SUGCT: variants seen among roughly 807,000 people sequenced by gnomAD.
The protein encoded by SUGCT is succinyl-CoA:glutarate CoA-transferase.
In SUGCT, 41 loss-of-function variants were observed where a neutral mutation model predicts 55.0. The observed-to-expected ratio is 0.74, with a 90% CI of 0.58 to 0.97. The LOEUF (loss-of-function observed/expected upper bound fraction) is 0.97, where lower values mean the gene tolerates loss of function less well. SUGCT is among the 50% of genes least tolerant of loss of function. The pLI is 0.00. For missense variants in SUGCT, 568 were observed against 547.8 expected (o/e 1.04, Z -0.37); for synonymous variants, 187 against 200.4 (o/e 0.93, Z 0.56).
chr7:40,242,803 C>G (rs1021797750), intron 7 of SUGCT, among the ~76,000 whole-genome samples: 1 of 149,728 alleles, frequency 6.7e-6, no homozygotes. Flanking sequence ...TAGGAAAGAC[C>G]GTGGTCCTTG....
Position 40,150,670 on chromosome 7 carries a change from C to CAACAAAACAAAACAAAACAA in SUGCT, c.100+15562_100+15581dup, listed in dbSNP as rs140041088. ...TGGGGAACAAGAGCGAAACTACACA[C>CAACAAAACAAAACAAAACAA]AACAAAACAAAACAAAACAAAACAA... On this transcript the variant is annotated intron_variant, in intron 1 of 13. Transcript: ENST00000335693. Among the ~76,000 whole-genome samples, 286 of 151,922 alleles carry CAACAAAACAAAACAAAACAA rather than the reference C, an allele frequency of 1.9e-3. 1 individual carries two copies. The highest frequency in any genetic ancestry group is 6.6e-3 in the African/African-American group (272 of 41,318).
chr7:40,974,801 G>A, the SUGCT span, among the ~76,000 whole-genome samples: 2,341 of 152,168 alleles, frequency 0.015, 66 homozygotes, highest in African/African-American at 0.053. Context: ...AGTGAATTAA[G>A]GAAAGTACAT....
chr7:40,729,992 T>C (rs1159831975), intron 12 of SUGCT, among the ~76,000 whole-genome samples: 1 of 152,192 alleles, frequency 6.6e-6, no homozygotes, highest in Non-Finnish European at 1.5e-5. Context: ...AGGGAAAATA[T>C]AAACGGTGCC....
chr7:40,371,533 GA>G (rs1490552626), intron 9 of SUGCT, among the ~76,000 whole-genome samples: 1 of 152,088 alleles, frequency 6.6e-6, no homozygotes, highest in Admixed American at 6.6e-5. Flanking sequence ...AAATAACAGA[GA>G]AAACAAATTC....
intron 11 of SUGCT, among the ~76,000 whole-genome samples, chr7:40,462,370 G>A (rs1372282709): frequency 6.6e-6 from 1 of 152,146 alleles, no homozygotes; most frequent in Non-Finnish European, 1.5e-5. Flanking sequence ...GAGAGTGGGA[G>A]CCCATGGCAG....
At chr7:40,497,624 T>C (rs1421951662) in intron 12 of SUGCT, among the ~76,000 whole-genome samples, 1 of 152,222 alleles carries the variant, frequency 6.6e-6, no homozygotes, top group African/African-American at 2.4e-5. Context: ...GTGCATACTC[T>C]GAATATAGTA....
chr7:40,324,603 C>T (rs1336977464), intron 9 of SUGCT, among the ~76,000 whole-genome samples: 1 of 152,036 alleles, frequency 6.6e-6, no homozygotes, highest in Non-Finnish European at 1.5e-5. Context: ...TCTTTGATTC[C>T]CAAGCAATGT....
At chr7:40,733,206 C>A (rs1318703739) in intron 12 of SUGCT, among the ~76,000 whole-genome samples, 1 of 152,170 alleles carries the variant, frequency 6.6e-6, no homozygotes, top group African/African-American at 2.4e-5. Context: ...CATCTCTACC[C>A]CTCTGCCCCA....
intron 11 of SUGCT, among the ~76,000 whole-genome samples, chr7:40,472,294 G>A (rs762384969): frequency 2.0e-5 from 3 of 152,062 alleles, no homozygotes; most frequent in Non-Finnish European, 2.9e-5. Context: ...TACACATCTG[G>A]CATTAGAGAA....
At position 40,802,257 on chromosome 7, in the gene SUGCT, AT is replaced by A. The variant is rs535715317; in HGVS notation, c.1153+52768del. The stretch of plus-strand genomic sequence containing the variant: ...AATGTCATAGGGAAGGGATAAATGA[AT>A]TTTTTTTCTCTATCCCCCTGTGGAA... On this transcript the variant is annotated intron_variant, in intron 13 of 13. Transcript: ENST00000335693. Among the ~76,000 whole-genome samples the A allele has an allele frequency of 7.2e-5, 11 of 151,880 alleles. No homozygotes were observed. In the East Asian group the frequency reaches 1.7e-3, roughly 24 times the overall value.
intron 5 of SUGCT, among the ~76,000 whole-genome samples, chr7:40,192,160 G>A (rs191506465): frequency 6.7e-6 from 1 of 149,192 alleles, no homozygotes; most frequent in East Asian, 2.0e-4. Flanking sequence ...TCTCCATTTA[G>A]GCCTTGGTGG....
intron 13 of SUGCT, among the ~76,000 whole-genome samples, chr7:40,847,191 TTG>T (rs1180477026): frequency 6.6e-6 from 1 of 152,128 alleles, no homozygotes; most frequent in Non-Finnish European, 1.5e-5. Context: ...ATAGGCTAGT[TTG>T]TGGTGGGATA....
chr7:40,863,020 CT>C (rs75020927), downstream of SUGCT, among the ~76,000 whole-genome samples: 27,231 of 152,032 alleles, frequency 0.18, 3,635 homozygotes, highest in East Asian at 0.69. Flanking sequence ...ACCTGGATCG[CT>C]TGAAGTCAGC....
At chr7:40,420,728 C>T (rs1327601194) in intron 9 of SUGCT, among the ~76,000 whole-genome samples, 2 of 152,060 alleles carry the variant, frequency 1.3e-5, no homozygotes, top group African/African-American at 4.8e-5. Flanking sequence ...TCTCCATTTC[C>T]ATGGACACAT....
intron 12 of SUGCT, among the ~76,000 whole-genome samples, chr7:40,699,543 G>C (rs1199621914): frequency 6.6e-6 from 1 of 152,170 alleles, no homozygotes; most frequent in African/African-American, 2.4e-5. Flanking sequence ...ATTGCATAAT[G>C]CTAATGAATT....
At chr7:40,888,765 A>G in the SUGCT span, among the ~76,000 whole-genome samples, 2 of 152,154 alleles carry the variant, frequency 1.3e-5, no homozygotes, top group Non-Finnish European at 2.9e-5. Flanking sequence ...GTCAGGGCCA[A>G]AGGATTACAG....
chr7:40,666,355 A>AAAGGAAGG (rs775565696), intron 12 of SUGCT, among the ~76,000 whole-genome samples: 11,526 of 121,716 alleles, frequency 0.095, 746 homozygotes, highest in East Asian at 0.16. Context: ...CTCAAGAAAG[A>AAAGGAAGG]AAGGAAGGAA....
At chr7:40,987,980 G>A in the SUGCT span, among the ~76,000 whole-genome samples, 2 of 152,002 alleles carry the variant, frequency 1.3e-5, no homozygotes, top group Admixed American at 6.6e-5. Context: ...CCCTCAAAGG[G>A]AAAGGGAGGC....
intron 9 of SUGCT, among the ~76,000 whole-genome samples, chr7:40,383,658 T>A (rs867736540): frequency 7.2e-5 from 11 of 152,282 alleles, no homozygotes; most frequent in Middle Eastern, 3.4e-3. Context: ...AATGTAGGAA[T>A]TCTGATAAGG....
Sources: allele counts gnomAD v4.1 joint callset (sites outside exome capture counted in the v4.1 genomes callset), GRCh38; gene constraint gnomAD v4.1.1; transcripts MANE v1.5; gene names NCBI Gene and HGNC (gene_info 2026-07-23, HGNC 2026-07-21).